The following CNTN1 variants were observed in gnomAD, a reference collection of about 807,000 sequenced individuals.
The protein encoded by CNTN1 is contactin 1.
In CNTN1, 38 loss-of-function variants were observed where a neutral mutation model predicts 126.4. That is an observed-to-expected ratio of 0.30 (90% CI 0.23 to 0.39). The LOEUF is 0.39. CNTN1 is among the 10% of genes least tolerant of loss of function. The probability of loss-of-function intolerance (pLI) is 1.00; values close to 1 mark genes in which losing one functional copy is unlikely to be tolerated. For synonymous variants in CNTN1, 413 were observed against 422.6 expected, an observed-to-expected ratio of 0.98 and a Z score of 0.28; for missense variants, 1,009 against 1,248.4, an observed-to-expected ratio of 0.81 and a Z score of 2.89.
intron 23 of CNTN1, among the ~76,000 whole-genome samples, chr12:41,029,730 T>C (rs1949103963): frequency 1.3e-5 from 2 of 152,124 alleles, no homozygotes; most frequent in Admixed American, 1.3e-4. Context: ...TTTTTAATAC[T>C]CTTATAACTC....
chr12:40,958,177 A>G (rs1265297913), intron 14 of CNTN1, among the ~76,000 whole-genome samples: 1 of 152,032 alleles, frequency 6.6e-6, no homozygotes. Context: ...GAGTGACCTT[A>G]GTTATCTTAG....
chr12:40,814,377 G>A (rs893893290), intron 1 of CNTN1, among the ~76,000 whole-genome samples: 8 of 152,164 alleles, frequency 5.3e-5, no homozygotes, highest in African/African-American at 1.7e-4. Flanking sequence ...TTTTGTATAA[G>A]ACGTAAGGAC....
chr12:40,987,261 G>A (rs116504578), intron 16 of CNTN1, among the ~76,000 whole-genome samples: 2 of 152,134 alleles, frequency 1.3e-5, no homozygotes, highest in Non-Finnish European at 2.9e-5. Context: ...AAATAAATAT[G>A]TTTCAAAGAT....
At chr12:40,838,749 A>G (rs897488419) in intron 1 of CNTN1, among the ~76,000 whole-genome samples, 3 of 152,212 alleles carry the variant, frequency 2.0e-5, no homozygotes, top group Non-Finnish European at 4.4e-5. Flanking sequence ...GAACAACTCC[A>G]TAGAAATATC....
chr12:40,844,899 T>C (rs550778663), intron 1 of CNTN1, among the ~76,000 whole-genome samples: 3 of 152,330 alleles, frequency 2.0e-5, no homozygotes, highest in African/African-American at 7.2e-5. Context: ...AATGAATTGT[T>C]TTTGCTTTGC....
chr12:40,824,291 C>T (rs539798907), intron 1 of CNTN1, among the ~76,000 whole-genome samples: 1 of 152,086 alleles, frequency 6.6e-6, no homozygotes, highest in African/African-American at 2.4e-5. Context: ...CAAAGCTTAT[C>T]ATGTAATGTC....
chr12:40,777,849 T>C (rs958159712), intron 1 of CNTN1, among the ~76,000 whole-genome samples: 1 of 151,782 alleles, frequency 6.6e-6, no homozygotes, highest in Non-Finnish European at 1.5e-5. Context: ...AATAACAGTC[T>C]CTTTCAGTCA....
At chr12:40,809,563 G>A (rs1037685573) in intron 1 of CNTN1, among the ~76,000 whole-genome samples, 1 of 152,072 alleles carries the variant, frequency 6.6e-6, no homozygotes, top group African/African-American at 2.4e-5. Context: ...AGTGGCTCAC[G>A]CCTGTAAGCC....
At chr12:40,792,220 C>G (rs748929939) in intron 1 of CNTN1, among the ~76,000 whole-genome samples, 12 of 151,970 alleles carry the variant, frequency 7.9e-5, no homozygotes, top group African/African-American at 1.9e-4. Context: ...TGGGACCCAG[C>G]AGCACCCAAA....
chr12:40,862,300 C>T (rs1029616009), intron 1 of CNTN1, among the ~76,000 whole-genome samples: 1 of 152,006 alleles, frequency 6.6e-6, no homozygotes, highest in Non-Finnish European at 1.5e-5. Context: ...TTCTGTAGAT[C>T]CAGGTTGTGT....
At chr12:40,849,937 A>G (rs1379372486) in intron 1 of CNTN1, among the ~76,000 whole-genome samples, 4 of 151,964 alleles carry the variant, frequency 2.6e-5, no homozygotes, top group Admixed American at 2.6e-4. Context: ...TATATATCTC[A>G]CTGTATTCTG....
chr12:40,801,037 A>G (rs1309641883), intron 1 of CNTN1, among the ~76,000 whole-genome samples: 1 of 145,348 alleles, frequency 6.9e-6, no homozygotes, highest in African/African-American at 2.6e-5. Flanking sequence ...TTTAAGATAG[A>G]TTTGACAAGC....
intron 4 of CNTN1, among the ~76,000 whole-genome samples, chr12:40,919,063 G>C (rs1348731387): frequency 6.6e-6 from 1 of 152,028 alleles, no homozygotes. Context: ...CCCATGAATG[G>C]TTACATAAAA....
chr12:40,940,657 G>A (rs1393953061), intron 12 of CNTN1, among the ~76,000 whole-genome samples: 1 of 152,124 alleles, frequency 6.6e-6, no homozygotes, highest in Non-Finnish European at 1.5e-5. Flanking sequence ...TTGAGAATAT[G>A]CCAGCACAGC....
At chr12:40,767,077 T>C (rs1020048486) in intron 1 of CNTN1, among the ~76,000 whole-genome samples, 1 of 152,116 alleles carries the variant, frequency 6.6e-6, no homozygotes, top group Non-Finnish European at 1.5e-5. Flanking sequence ...ATGAACATTA[T>C]AGTAATGAAA....
At chr12:40,731,170 A>T (rs7132304) in intron 1 of CNTN1, among the ~76,000 whole-genome samples, 1 of 151,940 alleles carries the variant, frequency 6.6e-6, no homozygotes, top group Admixed American at 6.6e-5. Context: ...AAGGTCATTA[A>T]AATAGACCAA....
At chr12:40,941,484 T>C (rs1202730616) in intron 12 of CNTN1, among the ~76,000 whole-genome samples, 1 of 152,132 alleles carries the variant, frequency 6.6e-6, no homozygotes, top group East Asian at 1.9e-4. Flanking sequence ...ATCTGGTTAG[T>C]GCCTAAAGAG....
At chr12:40,755,047 T>A (rs1364730697) in intron 1 of CNTN1, among the ~76,000 whole-genome samples, 1 of 151,646 alleles carries the variant, frequency 6.6e-6, no homozygotes, top group Non-Finnish European at 1.5e-5. Flanking sequence ...AAAAGTTAGC[T>A]GGGCATGGTG....
At chr12:40,848,648 T>C (rs1202507692) in intron 1 of CNTN1, among the ~76,000 whole-genome samples, 3 of 152,120 alleles carry the variant, frequency 2.0e-5, no homozygotes, top group Non-Finnish European at 2.9e-5. Context: ...ATTTCGAAAA[T>C]GCTCTTTTGA....
Sources: allele counts gnomAD v4.1 joint callset (sites outside exome capture counted in the v4.1 genomes callset), GRCh38; gene constraint gnomAD v4.1.1; transcripts MANE v1.5; gene names NCBI Gene and HGNC (gene_info 2026-07-23, HGNC 2026-07-21).